Variants in RANBP10 observed in about 807,000 individuals in gnomAD.
RANBP10 encodes RAN binding protein 10.
A neutral mutation model predicts 72.8 loss-of-function variants in RANBP10; 24 were observed. The ratio of observed to expected loss-of-function variants is 0.33; its 90% CI spans 0.24 to 0.46. RANBP10 has a LOEUF of 0.46. RANBP10 is among the 20% of genes least tolerant of loss of function. The probability of loss-of-function intolerance (pLI) is 1.00; values close to 1 mark genes in which losing one functional copy is unlikely to be tolerated. For missense variants in RANBP10, 679 were observed against 817.5 expected (o/e 0.83, Z 2.07); for synonymous variants, 310 against 322.3 (o/e 0.96, Z 0.41).
At chr16:67,784,986 G>A (rs1274203964) in intron 2 of RANBP10, among the ~76,000 whole-genome samples, 1 of 151,372 alleles carries the variant, frequency 6.6e-6, no homozygotes, top group Non-Finnish European at 1.5e-5. Context: ...GAGGCGGGCA[G>A]ATCACCTGAG....
intron 2 of RANBP10, among the ~76,000 whole-genome samples, chr16:67,803,385 C>G (rs1349800134): frequency 6.6e-6 from 1 of 151,500 alleles, no homozygotes; most frequent in Non-Finnish European, 1.5e-5. Context: ...GTGCGGTGGC[C>G]CACACCTGTA....
chr16:67,803,218 G>A (rs778113565), intron 2 of RANBP10, among the ~76,000 whole-genome samples: 1 of 152,224 alleles, frequency 6.6e-6, no homozygotes, highest in South Asian at 2.1e-4. Flanking sequence ...GTCTGTAAAC[G>A]CACTAGATGG....
chr16:67,744,990 ATT>A (rs998190216), intron 3 of RANBP10, among the ~76,000 whole-genome samples: 1 of 145,278 alleles, frequency 6.9e-6, no homozygotes. Flanking sequence ...CGCCCGGCTA[ATT>A]TTTTTTTTTT....
At chr16:67,776,044 C>T (rs1373639362) in intron 2 of RANBP10, among the ~76,000 whole-genome samples, 1 of 151,666 alleles carries the variant, frequency 6.6e-6, no homozygotes, top group Non-Finnish European at 1.5e-5. Flanking sequence ...ACTCAGGAGG[C>T]TGAGGCAGGA....
chr16:67,777,133 C>G (rs1412536116), intron 2 of RANBP10, among the ~76,000 whole-genome samples: 1 of 151,576 alleles, frequency 6.6e-6, no homozygotes. Context: ...TTGCAGGAAC[C>G]CGGGAGGTGG....
chr16:67,763,631 G>A (rs1257506548), intron 3 of RANBP10: 1 of 151,756 alleles, frequency 6.6e-6, no homozygotes. Flanking sequence ...AGTCTTCTGG[G>A]TCCCTCAAGG....
chr16:67,731,292 A>T, intron 7 of RANBP10, 180 bp downstream of exon 7: 2 of 567,624 alleles, frequency 3.5e-6, no homozygotes, highest in South Asian at 4.0e-5. Context: ...CATCCTGCCA[A>T]CTGTCCATCT....
intron 2 of RANBP10, among the ~76,000 whole-genome samples, chr16:67,805,013 T>C (rs576166132): frequency 1.3e-5 from 2 of 152,250 alleles, no homozygotes; most frequent in South Asian, 4.1e-4. Flanking sequence ...AAGACTCTAC[T>C]ATCTCTTTGA....
chr16:67,747,409 C>T (rs2054103720), intron 3 of RANBP10, among the ~76,000 whole-genome samples: 1 of 152,108 alleles, frequency 6.6e-6, no homozygotes, highest in African/African-American at 2.4e-5. Flanking sequence ...TATCGTATTG[C>T]ACTGTAAAGG....
intron 4 of RANBP10, 85 bp from the exon 5 acceptor site, chr16:67,738,120 C>T (rs564248291): frequency 3.6e-6 from 5 of 1,396,586 alleles, no homozygotes; most frequent in Admixed American, 2.8e-5. Context: ...GTGCTAGGGC[C>T]GGGTAGTTGT....
intron 2 of RANBP10, among the ~76,000 whole-genome samples, chr16:67,775,210 C>G (rs943739020): frequency 1.4e-4 from 22 of 152,014 alleles, no homozygotes; most frequent in Non-Finnish European, 3.1e-4. Context: ...TACCAGGGAG[C>G]TGAAGCAGGA....
chr16:67,776,318 C>T (rs891499756), intron 2 of RANBP10, among the ~76,000 whole-genome samples: 18 of 150,938 alleles, frequency 1.2e-4, no homozygotes, highest in Non-Finnish European at 2.2e-4. Flanking sequence ...AAAAATTAGC[C>T]GGGTGTGGTG....
At position 67,729,747 on chromosome 16, in the gene RANBP10, G is replaced by A. The variant is rs753260975; in HGVS notation, c.1080C>T (p.Asp360=). Residue 360 remains aspartate, a synonymous_variant, in exon 9 of 14, where the codon GAC becomes GAT. Coordinates refer to ENST00000317506, the MANE Select transcript of RANBP10 (RefSeq NM_020850.3). The surrounding 1 kb of genome is among the most constrained non-coding windows in gnomAD (Gnocchi z 7.1). ...TGAGGCTGGGGGAGCCAGGGTAGCTGTCCTGGGACTTGGGGCTTCGGGAGC... is the reference window on the plus strand; with the variant it reads ...TGAGGCTGGGGGAGCCAGGGTAGCTATCCTGGGACTTGGGGCTTCGGGAGC... The part of the protein sequence containing the change: ...SLSSRSPKSQ[D]SYPGSPSLSP... 4 of 1,614,156 alleles carry A rather than the reference G, an allele frequency of 2.5e-6. No individual in the cohort carries two copies. The highest frequency in any genetic ancestry group is 3.3e-5 in the Admixed American group (2 of 60,022).
chr16:67,727,718 C>A (rs2053633919), intron 12 of RANBP10, 33 bp downstream of exon 12: 1 of 1,613,748 alleles, frequency 6.2e-7, no homozygotes, highest in African/African-American at 1.3e-5. Context: ...CCAAATGGGG[C>A]CTGCTCTGCA....
chr16:67,740,881 G>C (rs1051195711), intron 4 of RANBP10, among the ~76,000 whole-genome samples: 5 of 152,182 alleles, frequency 3.3e-5, no homozygotes, highest in Non-Finnish European at 5.9e-5. Flanking sequence ...TGGCAGGACT[G>C]AATCTGGAAA....
intron 3 of RANBP10, among the ~76,000 whole-genome samples, chr16:67,749,269 C>T (rs1379484335): frequency 6.6e-6 from 1 of 152,192 alleles, no homozygotes; most frequent in Non-Finnish European, 1.5e-5. Context: ...CATCCCAAGC[C>T]TAGTGTACCC....
intron 2 of RANBP10, among the ~76,000 whole-genome samples, chr16:67,790,368 TAGAC>T (rs904969252): frequency 2.6e-5 from 4 of 151,608 alleles, no homozygotes; most frequent in Non-Finnish European, 4.4e-5. Context: ...GTTCTAGAAA[TAGAC>T]AGTGATATGG....
At chr16:67,767,549 C>A (rs1041754444) in intron 3 of RANBP10, among the ~76,000 whole-genome samples, 1 of 151,166 alleles carries the variant, frequency 6.6e-6, no homozygotes, top group Non-Finnish European at 1.5e-5. Context: ...ATTGCTTGAG[C>A]CCAGGAGTTA....
At chr16:67,760,728 G>A (rs2143009916) in intron 3 of RANBP10, among the ~76,000 whole-genome samples, 1 of 152,288 alleles carries the variant, frequency 6.6e-6, no homozygotes, top group African/African-American at 2.4e-5. Flanking sequence ...TTGAGGCATT[G>A]TAGTAACTAC....
Sources: allele counts gnomAD v4.1 joint callset (sites outside exome capture counted in the v4.1 genomes callset), GRCh38; gene constraint gnomAD v4.1.1; non-coding constraint Gnocchi (gnomAD v3.1); transcripts MANE v1.5; gene names NCBI Gene and HGNC (gene_info 2026-07-23, HGNC 2026-07-21).